The following ANKRD46 variants were observed in gnomAD, a reference collection of about 807,000 sequenced individuals.
ANKRD46 encodes the protein ankyrin repeat domain 46.
ANKRD46 carries 13 observed loss-of-function variants against 19.8 expected under a neutral mutation model. The ratio of observed to expected loss-of-function variants is 0.66; its 90% confidence interval spans 0.43 to 1.04. The LOEUF (loss-of-function observed/expected upper bound fraction) is 1.04. Ranked by LOEUF, ANKRD46 falls within the 50% of genes least tolerant of loss-of-function variation. The pLI is 0.00. For synonymous variants in ANKRD46, 91 were observed against 106.9 expected, an observed-to-expected ratio of 0.85 and a Z score of 0.92; for missense variants, 185 against 274.8, an observed-to-expected ratio of 0.67 and a Z score of 2.31.
chr8:100,515,806 C>G (rs1323009610), downstream of ANKRD46, among the ~76,000 whole-genome samples: 1 of 152,066 alleles, frequency 6.6e-6, no homozygotes, highest in Non-Finnish European at 1.5e-5. Context: ...GTCTCCCCAA[C>G]CCTCTCCACT....
At chr8:100,533,926 C>T (rs1488505939) in intron 1 of ANKRD46, among the ~76,000 whole-genome samples, 1 of 152,202 alleles carries the variant, frequency 6.6e-6, no homozygotes, top group Non-Finnish European at 1.5e-5. Flanking sequence ...GCTCCCCCAC[C>T]CAGGCTGCAC....
At chr8:100,515,148 G>T (rs932012960) in intron 5 of ANKRD46, among the ~76,000 whole-genome samples, 1 of 152,014 alleles carries the variant, frequency 6.6e-6, no homozygotes, top group African/African-American at 2.4e-5. Flanking sequence ...TAATCCCAGG[G>T]CTTAAGTTGA....
At chr8:100,523,323 A>G (rs75511256) in intron 4 of ANKRD46, among the ~76,000 whole-genome samples, 3,569 of 152,132 alleles carry the variant, frequency 0.023, 53 homozygotes, top group Non-Finnish European at 0.034. Flanking sequence ...GCAGACATGC[A>G]GGTGATGACA....
rs1025089680 is a variant in ANKRD46, at chr8:100,546,119, C to A, written c.-130-12808G>T. 6.6e-6 allele frequency among the ~76,000 whole-genome samples: 1 copy of A among 152,200 alleles called. No homozygotes were observed. Among genetic ancestry groups the A allele is most frequent in the Non-Finnish European group, 1.5e-5 (1 of 68,038 alleles). ...GCAGCCTGACTGGTAGAAAAGAAAA[C>A]CCCATTTTCTGGGGAGAAACTCAAG... On this transcript the variant is annotated intron_variant, in intron 1 of 4. Coordinates refer to ENST00000335659, the MANE Select transcript of ANKRD46 (RefSeq NM_001270377.2). The surrounding 1 kb of genome is among the most constrained non-coding windows in gnomAD (Gnocchi z 4.0).
chr8:100,522,183 CT>C lies in ANKRD46; in HGVS notation c.*371del. 1 of 1,004,262 alleles carries C rather than the reference CT, an allele frequency of 1.0e-6. No individual in the cohort carries two copies. Among genetic ancestry groups the C allele is most frequent in the Non-Finnish European group, 1.2e-6 (1 of 840,922 alleles). The allele number at this position is 1,004,262 out of a possible 1,614,324, so 62.2% of individuals were successfully genotyped here. A position where few individuals can be genotyped will look rare whatever the true frequency, so the allele number is the denominator to read the frequency against. On this transcript the variant is annotated 3_prime_UTR_variant, in exon 5 of 5. Coordinates refer to ENST00000335659, the MANE Select transcript of ANKRD46 (RefSeq NM_001270377.2). ...CAACAAAAACTAATCATATAAGATA[CT>C]GTTTTTCTTTTTGAATACTTCAATT...
rs1812566963 is a variant in ANKRD46 at position 100,559,366 on chromosome 8, G to T, written c.-131+345C>A. 6.6e-6 allele frequency: 1 copy of T among 152,332 alleles called. No individual in the cohort carries two copies. Among genetic ancestry groups the T allele is most frequent in the Admixed American group, 6.5e-5 (1 of 15,286 alleles). 9.4% of individuals were successfully genotyped at this position (152,332 alleles called of 1,614,324 possible). On this transcript the variant is annotated intron_variant, in intron 1 of 4. Coordinates refer to ENST00000335659, the MANE Select transcript of ANKRD46 (RefSeq NM_001270377.2). The surrounding 1 kb of genome is among the most constrained non-coding windows in gnomAD (Gnocchi z 6.0). ...CCCCGGCCGAGCAGCTGGACCTGCG[G>T]CGTGGCTTCCGCGCTCCACCCCCCG...
At chr8:100,515,789 C>T (rs1204348562), downstream of ANKRD46, among the ~76,000 whole-genome samples, 2 of 152,038 alleles carry the variant, frequency 1.3e-5, no homozygotes, top group Non-Finnish European at 2.9e-5. Flanking sequence ...TCATTCAGTT[C>T]CCCTTGGTCT....
At chr8:100,540,975 G>A (rs1325356180) in intron 1 of ANKRD46, among the ~76,000 whole-genome samples, 1 of 149,692 alleles carries the variant, frequency 6.7e-6, no homozygotes. Flanking sequence ...GCCTAAGGGT[G>A]CCACCTTGTG....
chr8:100,515,389 T>A (rs949391108), intron 5 of ANKRD46, among the ~76,000 whole-genome samples: 1 of 152,164 alleles, frequency 6.6e-6, no homozygotes, highest in African/African-American at 2.4e-5. Context: ...CGAAATGGAT[T>A]TTTTTTGAGA....
rs1424734262 is a variant in ANKRD46 at position 100,532,794 on chromosome 8, T to C, written c.-28+415A>G. On this transcript the variant is annotated intron_variant, in intron 2 of 4. Transcript: ENST00000335659. The surrounding 1 kb of genome is among the most constrained non-coding windows in gnomAD (Gnocchi z 4.7). ...CAGGTTGGACAAGCTTGCACAGTAT[T>C]GAATCATAAAAATGGAAAAGCTATC... Among the ~76,000 whole-genome samples, 2 of 152,216 alleles carry C rather than the reference T, an allele frequency of 1.3e-5. No homozygotes were observed. Among genetic ancestry groups the C allele is most frequent in the South Asian group, 2.1e-4 (1 of 4,834 alleles).
chr8:100,552,069 G>A (rs1812402157), intron 1 of ANKRD46, among the ~76,000 whole-genome samples: 1 of 150,236 alleles, frequency 6.7e-6, no homozygotes, highest in South Asian at 2.1e-4. Flanking sequence ...AGAATAGCTT[G>A]AACCTGGGAG....
At chr8:100,518,943 A>G (rs1327892501), downstream of ANKRD46, among the ~76,000 whole-genome samples, 1 of 152,240 alleles carries the variant, frequency 6.6e-6, no homozygotes, top group Non-Finnish European at 1.5e-5. Flanking sequence ...AGGTTCAGAT[A>G]TCTAAAATTG....
rs973326019 is a variant in ANKRD46, at chr8:100,521,074, T to G, written c.*1481A>C. The G allele has an allele frequency of 1.6e-5, 16 of 985,058 alleles. No individual in the cohort carries two copies. In the African/African-American group the frequency reaches 2.6e-4, roughly 16 times the overall value. The allele number at this position is 985,058 out of a possible 1,614,324, so 61.0% of individuals were successfully genotyped here. On this transcript the variant is annotated 3_prime_UTR_variant, in exon 5 of 5. Transcript: ENST00000335659. ...TTTGTATCTAACCTAAAAGCAAGAC[T>G]CTGCAAGCTGATCCTGAAGCAGCCA...
intron 1 of ANKRD46, among the ~76,000 whole-genome samples, chr8:100,553,761 A>G (rs1321390231): frequency 6.6e-6 from 1 of 152,158 alleles, no homozygotes; most frequent in Non-Finnish European, 1.5e-5. Flanking sequence ...AAACAAACAA[A>G]CAAAAACCAA....
In ANKRD46 at chr8:100,511,188, G is replaced by A. The variant is rs182778636; in HGVS notation, c.637-549C>T. On this transcript the variant is annotated intron_variant, in intron 5 of 5. Transcript: ENST00000520552. The surrounding 1 kb of genome is among the most constrained non-coding windows in gnomAD (Gnocchi z 4.1). The stretch of plus-strand genomic sequence containing the variant: ...ACTATTCCCATGTAACAGATGAGCT[G>A]AGTCAGGAATATCCCCATTGAACAG... Among the ~76,000 whole-genome samples, 26 of 152,334 alleles carry A rather than the reference G, an allele frequency of 1.7e-4. No individual in the cohort carries two copies. The highest frequency in any genetic ancestry group is 1.2e-4 in the Non-Finnish European group (8 of 68,036).
chr8:100,554,317 TA>T (rs34255096), intron 1 of ANKRD46, among the ~76,000 whole-genome samples: 55,073 of 151,988 alleles, frequency 0.36, 10,200 homozygotes, highest in Middle Eastern at 0.4. Flanking sequence ...TGAACAGCAC[TA>T]AAAAAAAGTA....
In ANKRD46 at chr8:100,513,925, C is replaced by T. The variant is rs557576308; in HGVS notation, c.637-3286G>A. Among the ~76,000 whole-genome samples, 9 of 152,318 alleles carry T rather than the reference C, an allele frequency of 5.9e-5. No homozygotes were observed. In the South Asian group the frequency reaches 1.9e-3, roughly 32 times the overall value. On this transcript the variant is annotated intron_variant, in intron 5 of 5. Transcript: ENST00000520552. ...TGTGCCAGTGACCTAGAAACTACTT[C>T]AAAACCTATTTTTATTTCTTATGGA...
intron 1 of ANKRD46, among the ~76,000 whole-genome samples, chr8:100,535,593 T>C (rs928887364): frequency 3.3e-5 from 5 of 152,206 alleles, no homozygotes; most frequent in African/African-American, 1.2e-4. Flanking sequence ...AAACACTACC[T>C]AGTCTTCCAC....
At chr8:100,528,537 T>G (rs2130655578) in intron 3 of ANKRD46, among the ~76,000 whole-genome samples, 1 of 150,700 alleles carries the variant, frequency 6.6e-6, no homozygotes, top group East Asian at 1.9e-4. Context: ...TTTTTTTTAC[T>G]TCCAGGGAAA....
Sources: allele counts gnomAD v4.1 joint callset (sites outside exome capture counted in the v4.1 genomes callset), GRCh38; gene constraint gnomAD v4.1.1; non-coding constraint Gnocchi (gnomAD v3.1); transcripts MANE v1.5; gene names NCBI Gene and HGNC (gene_info 2026-07-23, HGNC 2026-07-21).